SNAP47: variants seen among roughly 807,000 people sequenced by gnomAD.
SNAP47 encodes synaptosomal-associated protein 47.
A neutral mutation model predicts 31.4 loss-of-function variants in SNAP47; 20 were observed. That is an observed-to-expected ratio of 0.64 (90% CI 0.45 to 0.93). The LOEUF is 0.93. SNAP47 is among the 40% of genes least tolerant of loss of function. The pLI, the probability that SNAP47 is intolerant of heterozygous loss-of-function variation, is 0.00. For missense variants in SNAP47, 492 were observed against 528.5 expected, an observed-to-expected ratio of 0.93 and a Z score of 0.68; for synonymous variants, 194 against 213.4, an observed-to-expected ratio of 0.91 and a Z score of 0.79.
chr1:227,756,324 G>T (rs1261501332), intron 2 of SNAP47, among the ~76,000 whole-genome samples: 2 of 152,218 alleles, frequency 1.3e-5, no homozygotes, highest in African/African-American at 4.8e-5. Flanking sequence ...ATTGTGTAAC[G>T]CGACTCACAT....
chr1:227,735,544 C>A (rs751254794), intron 1 of SNAP47, 45 bp downstream of exon 1: 1 of 1,359,100 alleles, frequency 7.4e-7, no homozygotes, highest in Non-Finnish European at 9.4e-7. Flanking sequence ...CCAAGCCAAG[C>A]CGTAGCGTCC....
At chr1:227,735,527 G>T in intron 1 of SNAP47, 28 bp downstream of exon 1, 1 of 1,372,282 alleles carries the variant, frequency 7.3e-7, no homozygotes, top group Non-Finnish European at 9.3e-7. Context: ...TCTGTTGGGC[G>T]CCCGGCCCAA....
At chr1:227,735,849 A>C in intron 1 of SNAP47, 1 of 488,344 alleles carries the variant, frequency 2.0e-6, no homozygotes, top group Non-Finnish European at 2.6e-6. Context: ...GGGGATGGAG[A>C]CGGGATCTGG....
upstream of SNAP47, chr1:227,733,466 G>A (rs761230709): frequency 1.0e-5 from 16 of 1,590,920 alleles, no homozygotes; most frequent in South Asian, 3.4e-5. Context: ...CATCTCGCCC[G>A]CTTCCTGCGT....
Position 227,780,646 on chromosome 1 carries a change from C to T in SNAP47, c.1233C>T (p.His411=), listed in dbSNP as rs1448754819. The change falls in exon 5 of 5, where the codon CAC becomes CAT. Residue 411 remains histidine, a synonymous_variant. Transcript: ENST00000617596. ...VDRATLTIDK[H]NRRMKRLT is the part of the protein sequence containing the mutation. Reference sequence around the variant, plus strand: ...GGGCAACCTTGACCATCGACAAGCACAACAGGCGGATGAAGAGGCTGACCT... The same window carrying T: ...GGGCAACCTTGACCATCGACAAGCATAACAGGCGGATGAAGAGGCTGACCT... 1.2e-6 allele frequency: 2 copies of T among 1,614,228 alleles called. No homozygotes were observed. Among genetic ancestry groups the T allele is most frequent in the African/African-American group, 2.7e-5 (2 of 75,072 alleles).
chr1:227,731,730 A>G (rs555289027), upstream of SNAP47: 1 of 156,210 alleles, frequency 6.4e-6, no homozygotes, highest in South Asian at 2.0e-4. Flanking sequence ...CACAGCAGGC[A>G]CAGTCCCTCA....
chr1:227,735,493 C>T lies in SNAP47; in HGVS notation c.-52C>T, dbSNP rs1413749254. The T allele has an allele frequency of 2.1e-6, 3 of 1,410,600 alleles. No individual in the cohort carries two copies. Among genetic ancestry groups the T allele is most frequent in the Non-Finnish European group, 2.7e-6 (3 of 1,091,552 alleles). 87.4% of individuals were successfully genotyped at this position (1,410,600 alleles called of 1,614,324 possible). A position where few individuals can be genotyped will look rare whatever the true frequency, so the allele number is the denominator to read the frequency against. The stretch of plus-strand genomic sequence containing the variant: ...GTCGGCTCTGGGACTCGTCTGGCGT[C>T]CCTCAGGTGAGCGACGGTGTTGGTC... On this transcript the variant is annotated 5_prime_UTR_variant, in exon 1 of 5. Transcript: ENST00000617596.
At chr1:227,729,338 C>T (rs1376148126) in intron 1 of SNAP47, among the ~76,000 whole-genome samples, 3 of 152,188 alleles carry the variant, frequency 2.0e-5, no homozygotes, top group Admixed American at 6.5e-5. Flanking sequence ...CTACCCTTGG[C>T]TTCTAGGCCA....
chr1:227,759,527 A>G lies in SNAP47; in HGVS notation c.988+42A>G, dbSNP rs1037559072. The G allele has an allele frequency of 1.9e-6, 3 of 1,590,534 alleles. No homozygotes were observed. The African/African-American group carries it at 4.0e-5, about 21-fold the overall frequency. On this transcript the variant is annotated intron_variant, in intron 3 of 4. Coordinates refer to ENST00000617596, the MANE Select transcript of SNAP47 (RefSeq NM_053052.4). ...GCAGTGAGCGCGTGCACAGACTTCT[A>G]AAATTACAGGCAGACTCAGCACGCC...
At chr1:227,761,999 C>G (rs1486023742) in intron 3 of SNAP47, among the ~76,000 whole-genome samples, 1 of 152,138 alleles carries the variant, frequency 6.6e-6, no homozygotes, top group African/African-American at 2.4e-5. Context: ...CCCTGCTCGG[C>G]TAGGAGGGCC....
At chr1:227,766,558 C>A (rs965228141) in intron 3 of SNAP47, among the ~76,000 whole-genome samples, 1 of 152,190 alleles carries the variant, frequency 6.6e-6, no homozygotes, top group Non-Finnish European at 1.5e-5. Flanking sequence ...TGGGCCACTT[C>A]CTGTGCTCTC....
rs540732076 is a variant in SNAP47, at chr1:227,751,744, G to GTTTTTT, written c.497+3543_497+3548dup. Among the ~76,000 whole-genome samples the GTTTTTT allele has an allele frequency of 7.9e-4, 55 of 69,194 alleles. 11 individuals are homozygous for GTTTTTT. Among genetic ancestry groups the GTTTTTT allele is most frequent in the African/African-American group, 2.1e-3 (37 of 18,000 alleles). The allele number at this position is 69,194 out of a possible 152,430, so 45.4% of individuals were successfully genotyped here. On this transcript the variant is annotated intron_variant, in intron 2 of 4. Transcript: ENST00000617596. The stretch of plus-strand genomic sequence containing the variant: ...ATGGGGCCAATTACATAAAGACTTG[G>GTTTTTT]TTTTTTTTTTTTTTTTTTTTTTTTT...
chr1:227,767,764 CTG>C (rs1399895693), intron 4 of SNAP47, among the ~76,000 whole-genome samples: 1 of 152,282 alleles, frequency 6.6e-6, no homozygotes, highest in East Asian at 1.9e-4. Flanking sequence ...CATGTGTGCT[CTG>C]TATACTGTGC....
chr1:227,773,762 T>TG (rs71559820), intron 4 of SNAP47, among the ~76,000 whole-genome samples: 11 of 152,160 alleles, frequency 7.2e-5, no homozygotes, highest in South Asian at 6.2e-4. Flanking sequence ...GCCTGCAGCT[T>TG]GGGGGGGTGT....
upstream of SNAP47, chr1:227,732,317 G>A: frequency 1.3e-6 from 2 of 1,541,114 alleles, no homozygotes; most frequent in Non-Finnish European, 1.8e-6. Flanking sequence ...AGGGAGGGCG[G>A]TCTTTATTTC....
rs1664414859 is a variant in SNAP47, at chr1:227,780,724, G to A, written c.*51G>A. The A allele has an allele frequency of 6.2e-7, 1 of 1,608,062 alleles. No individual in the cohort carries two copies. Among genetic ancestry groups the A allele is most frequent in the Non-Finnish European group, 8.5e-7 (1 of 1,176,670 alleles). On this transcript the variant is annotated 3_prime_UTR_variant, in exon 5 of 5. Coordinates refer to ENST00000617596, the MANE Select transcript of SNAP47 (RefSeq NM_053052.4). ...CTCACCCTGCACATCCCGCTGAGAT[G>A]GAGGGCTGGGCGGCAGTGCCAGGGC... is the stretch of plus-strand genomic sequence containing the variant.
intron 1 of SNAP47, chr1:227,735,734 G>A: frequency 1.1e-5 from 11 of 981,760 alleles, no homozygotes; most frequent in Non-Finnish European, 1.3e-5. Context: ...GAGAACGGTG[G>A]GACCCAGAGG....
At position 227,752,636 on chromosome 1, in the gene SNAP47, C is replaced by T. The variant is rs186225767; in HGVS notation, c.497+4403C>T. Among the ~76,000 whole-genome samples the T allele has an allele frequency of 2.0e-4, 30 of 152,274 alleles. No individual in the cohort carries two copies. In the East Asian group the frequency reaches 3.9e-3, roughly 20 times the overall value. On this transcript the variant is annotated intron_variant, in intron 2 of 4. Coordinates refer to ENST00000617596, the MANE Select transcript of SNAP47 (RefSeq NM_053052.4). ...TATTTTTGTACCCGAACTCAGGTCT[C>T]GGCCACTCATTGCTTGAAAGCCAAA...
In SNAP47 at chr1:227,763,843, G is replaced by GAGAC. The variant is rs1312796722; in HGVS notation, c.989-3109_989-3106dup. On this transcript the variant is annotated intron_variant, in intron 3 of 4. Transcript: ENST00000617596. The surrounding 1 kb of genome is among the most constrained non-coding windows in gnomAD (Gnocchi z 4.2). ...CAGGGCTGAGGGAAGGGGCTTGCTG[G>GAGAC]AGACAGACAGGCTGGTGGCCCAGGT... is the stretch of plus-strand genomic sequence containing the variant. Among the ~76,000 whole-genome samples the GAGAC allele has an allele frequency of 6.6e-6, 1 of 152,214 alleles. No individual in the cohort carries two copies. The highest frequency in any genetic ancestry group is 1.5e-5 in the Non-Finnish European group (1 of 68,030).
Sources: allele counts gnomAD v4.1 joint callset (sites outside exome capture counted in the v4.1 genomes callset), GRCh38; gene constraint gnomAD v4.1.1; non-coding constraint Gnocchi (gnomAD v3.1); transcripts MANE v1.5; gene names NCBI Gene and HGNC (gene_info 2026-07-23, HGNC 2026-07-21).